Variants in DMTF1 observed in about 807,000 individuals in gnomAD.
The protein encoded by DMTF1 is cyclin-D-binding Myb-like transcription factor 1.
Under a neutral mutation model 91.1 loss-of-function variants are expected in DMTF1, and 39 were observed. The observed-to-expected ratio is 0.43, with a 90% CI of 0.33 to 0.56. The LOEUF (loss-of-function observed/expected upper bound fraction) is 0.56. Among genes scored for constraint, DMTF1 ranks in the 20% least tolerant of loss-of-function variants. The pLI, the probability that DMTF1 is intolerant of heterozygous loss-of-function variation, is 0.05. For missense variants in DMTF1, 750 were observed against 914.5 expected, an observed-to-expected ratio of 0.82 and a Z score of 2.32; for synonymous variants, 338 against 309.5, an observed-to-expected ratio of 1.09 and a Z score of -0.97.
At chr7:87,172,692 T>C (rs7800541) in intron 5 of DMTF1, among the ~76,000 whole-genome samples, 109,569 of 152,216 alleles carry the variant, frequency 0.72, 39,946 homozygotes, top group Middle Eastern at 0.87. Context: ...TACGTGACTC[T>C]TCCCTTATTC....
At chr7:87,194,909 T>C in intron 17 of DMTF1, 81 bp downstream of exon 17, 3 of 1,495,990 alleles carry the variant, frequency 2.0e-6, no homozygotes, top group Non-Finnish European at 2.7e-6. Flanking sequence ...TGTTTCAGTC[T>C]TTCTTGATCC....
chr7:87,167,379 A>AAG (rs1170625177), intron 4 of DMTF1, among the ~76,000 whole-genome samples: 1 of 152,208 alleles, frequency 6.6e-6, no homozygotes. Context: ...TTGCTTAGCA[A>AAG]AGAGTGTGGA....
At chr7:87,175,408 A>G (rs1317375903) in intron 7 of DMTF1, among the ~76,000 whole-genome samples, 1 of 152,126 alleles carries the variant, frequency 6.6e-6, no homozygotes, top group Admixed American at 6.5e-5. Flanking sequence ...TTTCTTATTC[A>G]GGTTTATTTC....
chr7:87,182,352 ACT>A lies in DMTF1; in HGVS notation c.820+16_820+17del. 1 of 1,613,476 alleles carries A rather than the reference ACT, an allele frequency of 6.2e-7. No homozygotes were observed. The highest frequency in any genetic ancestry group is 8.5e-7 in the Non-Finnish European group (1 of 1,179,600). On this transcript the variant is annotated intron_variant, in intron 10 of 17. Transcript: ENST00000331242. ...TTGCAACACAGGTACTGTGACTACTACTGGTAGCGTTTTCTTGTCACCACTTA... is the reference window on the plus strand; with the variant it reads ...TTGCAACACAGGTACTGTGACTACTAGGTAGCGTTTTCTTGTCACCACTTA...
In DMTF1 at chr7:87,160,435, C is replaced by T. The variant is rs367690368; in HGVS notation, c.-131-3060C>T. 1.3e-4 allele frequency among the ~76,000 whole-genome samples: 20 copies of T among 152,048 alleles called. 1 individual carries two copies. The highest frequency in any genetic ancestry group is 4.6e-4 in the African/African-American group (19 of 41,470). On this transcript the variant is annotated intron_variant, in intron 1 of 17. Coordinates refer to ENST00000331242, the MANE Select transcript of DMTF1 (RefSeq NM_001142327.2). ...GATTACAGGCGCCTGCCACCACACC[C>T]GGCTAATTTTTGTATTTTTAGTAGA...
At chr7:87,179,355 A>G (rs1381644763) in intron 7 of DMTF1, among the ~76,000 whole-genome samples, 190 bp from the exon 8 acceptor site, 1 of 152,142 alleles carries the variant, frequency 6.6e-6, no homozygotes, top group Non-Finnish European at 1.5e-5. Context: ...TTCTTGGAAC[A>G]TTTAAGTGTC....
chr7:87,153,816 A>G (rs866653545), intron 1 of DMTF1, among the ~76,000 whole-genome samples: 1 of 152,204 alleles, frequency 6.6e-6, no homozygotes, highest in South Asian at 2.1e-4. Context: ...GGAGAAAACC[A>G]TTTGTAGCTT....
Position 87,195,092 on chromosome 7 carries a change from T to A in DMTF1, c.2235T>A (p.Pro745=). 2 of 1,612,416 alleles carry A rather than the reference T, an allele frequency of 1.2e-6. No homozygotes were observed. Among genetic ancestry groups the A allele is most frequent in the East Asian group, 2.2e-5 (1 of 44,796 alleles). ...SNIIGSSLGS[P]VSEDSKDVED... ...TCATTGGATCATCCTTGGGCAGTCC[T>A]GTTTCAGAAGATTCAAAGGATGTCG... is the stretch of plus-strand genomic sequence containing the variant. Residue 745 remains proline, a synonymous_variant, in exon 18 of 18, where the codon CCT becomes CCA. Transcript: ENST00000331242.
chr7:87,180,964 T>A (rs1327088143), intron 8 of DMTF1, among the ~76,000 whole-genome samples: 1 of 150,848 alleles, frequency 6.6e-6, no homozygotes, highest in Non-Finnish European at 1.5e-5. Context: ...CAAGCTATTC[T>A]CCTGCCTCAG....
At chr7:87,170,888 A>G (rs1584299356) in intron 4 of DMTF1, 107 bp from the exon 5 acceptor site, 1 of 710,498 alleles carries the variant, frequency 1.4e-6, no homozygotes, top group Non-Finnish European at 2.5e-6. Context: ...ATTAACAAGG[A>G]GTGTGTTAGG....
At chr7:87,186,214 G>A (rs952128132) in intron 12 of DMTF1, 19 of 467,298 alleles carry the variant, frequency 4.1e-5, no homozygotes, top group Middle Eastern at 5.7e-4. Context: ...GTTCTTCTAC[G>A]TAAACTATCA....
intron 1 of DMTF1, among the ~76,000 whole-genome samples, chr7:87,159,614 T>G (rs1175386583): frequency 6.6e-6 from 1 of 152,238 alleles, no homozygotes; most frequent in Admixed American, 6.5e-5. Flanking sequence ...GTGTTTATTT[T>G]TCTTCTGTAT....
rs75000742 is a variant in DMTF1, at chr7:87,160,944, T to A, written c.-131-2551T>A. Among the ~76,000 whole-genome samples, 640 of 152,264 alleles carry A rather than the reference T, an allele frequency of 4.2e-3. 6 individuals are homozygous for A. Among genetic ancestry groups the A allele is most frequent in the African/African-American group, 0.014 (599 of 41,544 alleles). ...TCTTTAAAAACAATGTGTATGCCAG[T>A]AAGATTTATAGGTCTAATCCTGGCC... On this transcript the variant is annotated intron_variant, in intron 1 of 17. Transcript: ENST00000331242.
Position 87,166,606 on chromosome 7 carries a change from G to T in DMTF1, c.232+1G>T. ...TGCATATCAGTTGTTGCACTTCCAC[G>T]TAAGTCACTACGTATTAAGAGCCAT... is the stretch of plus-strand genomic sequence containing the variant. On this transcript the variant is annotated splice_donor_variant, in intron 4 of 17. Transcript: ENST00000331242. LOFTEE classifies it high-confidence loss of function. 6.2e-7 allele frequency: 1 copy of T among 1,602,966 alleles called. No homozygotes were observed. Among genetic ancestry groups the T allele is most frequent in the East Asian group, 2.2e-5 (1 of 44,586 alleles).
intron 10 of DMTF1, among the ~76,000 whole-genome samples, chr7:87,183,120 T>C (rs1797715659): frequency 6.6e-6 from 1 of 152,216 alleles, no homozygotes; most frequent in Non-Finnish European, 1.5e-5. Flanking sequence ...AGCTTTAGCT[T>C]CCAGGGCATA....
At chr7:87,179,462 C>G in intron 7 of DMTF1, 83 bp from the exon 8 acceptor site, 1 of 1,225,566 alleles carries the variant, frequency 8.2e-7, no homozygotes, top group Non-Finnish European at 1.1e-6. Context: ...TGACCTTTAA[C>G]ATTAAAACAA....
rs767238031 is a variant in DMTF1, at chr7:87,195,725, A to G, written c.*585A>G. 2.0e-5 allele frequency: 3 copies of G among 152,578 alleles called. No homozygotes were observed. Among genetic ancestry groups the G allele is most frequent in the Non-Finnish European group, 4.4e-5 (3 of 68,030 alleles). The allele number at this position is 152,578 out of a possible 1,614,324, so 9.5% of individuals were successfully genotyped here. A position where few individuals can be genotyped will look rare whatever the true frequency, so the allele number is the denominator to read the frequency against. The stretch of plus-strand genomic sequence containing the variant: ...AGGCAGGGTAAACAGGAAAGCATTA[A>G]AAGTTAAAATTCACTACAGGTTTTT... On this transcript the variant is annotated 3_prime_UTR_variant, in exon 18 of 18. Transcript: ENST00000331242.
chr7:87,173,741 C>T, intron 6 of DMTF1, 92 bp downstream of exon 6: 1 of 638,064 alleles, frequency 1.6e-6, no homozygotes, highest in South Asian at 2.8e-5. Context: ...GGACCTTCAT[C>T]ACTGGGATTG....
chr7:87,194,951 T>C, intron 17 of DMTF1, 80 bp from the exon 18 acceptor site: 1 of 1,425,774 alleles, frequency 7.0e-7, no homozygotes, highest in Non-Finnish European at 9.7e-7. Flanking sequence ...AGTTCTACAC[T>C]GTGGTAGAAT....
Sources: gnomAD v4.1 joint callset for allele counts (sites outside exome capture counted in the v4.1 genomes callset) on GRCh38, gnomAD v4.1.1 for gene constraint, MANE v1.5 for transcripts, NCBI Gene and HGNC (gene_info 2026-07-23, HGNC 2026-07-21) for gene names.